Variants in ZZZ3 observed in about 807,000 individuals in gnomAD.
ZZZ3 encodes the protein zinc finger ZZ-type containing 3.
Under a neutral mutation model 95.2 loss-of-function variants are expected in ZZZ3, and 22 were observed. The observed-to-expected ratio is 0.23, with a 90% confidence interval of 0.17 to 0.33. ZZZ3 has a LOEUF of 0.33. Ranked by LOEUF, ZZZ3 falls within the 10% of genes least tolerant of loss-of-function variation. ZZZ3 has a pLI of 1.00. For missense variants in ZZZ3, 885 were observed against 1,066.5 expected (o/e 0.83, Z 2.37); for synonymous variants, 335 against 358.9 (o/e 0.93, Z 0.75).
chr1:77,602,623 T>TTC (rs1664842993), intron 5 of ZZZ3, among the ~76,000 whole-genome samples: 1 of 150,346 alleles, frequency 6.7e-6, no homozygotes, highest in Non-Finnish European at 1.5e-5. Context: ...TTTTTTTTTT[T>TTC]GAGACTGAGT....
intron 1 of ZZZ3, among the ~76,000 whole-genome samples, chr1:77,659,879 C>A (rs1670633296): frequency 6.6e-6 from 1 of 151,994 alleles, no homozygotes; most frequent in Non-Finnish European, 1.5e-5. Flanking sequence ...GTCACCCAGG[C>A]TAGAGGGCAG....
At chr1:77,674,337 G>A (rs1672061251) in intron 1 of ZZZ3, among the ~76,000 whole-genome samples, 4 of 152,050 alleles carry the variant, frequency 2.6e-5, no homozygotes. Context: ...ATAACATTGA[G>A]CAAAAAAGGC....
intron 1 of ZZZ3, among the ~76,000 whole-genome samples, chr1:77,642,943 G>C (rs1379594656): frequency 6.6e-6 from 1 of 152,004 alleles, no homozygotes; most frequent in East Asian, 1.9e-4. Context: ...AACTATATAA[G>C]TAACACCATA....
intron 1 of ZZZ3, among the ~76,000 whole-genome samples, chr1:77,670,560 C>G (rs565002679): frequency 6.6e-5 from 10 of 152,114 alleles, no homozygotes; most frequent in Admixed American, 6.5e-4. Context: ...CTGCACCTGG[C>G]CTAGCATGCA....
intron 12 of ZZZ3, among the ~76,000 whole-genome samples, chr1:77,575,579 A>G (rs1002608275): frequency 1.3e-5 from 2 of 152,376 alleles, no homozygotes; most frequent in Non-Finnish European, 1.5e-5. Flanking sequence ...GCAAAATTCT[A>G]TAAGACAAAT....
intron 1 of ZZZ3, among the ~76,000 whole-genome samples, chr1:77,650,677 AAAG>A (rs994128500): frequency 2.6e-5 from 4 of 152,102 alleles, no homozygotes; most frequent in East Asian, 3.9e-4. Flanking sequence ...AAAAAAAAAA[AAAG>A]GATACTATAA....
Position 77,602,812 on chromosome 1 carries a change from G to A in ZZZ3, c.1506-18157C>T, listed in dbSNP as rs147503095. On this transcript the variant is annotated intron_variant, in intron 5 of 14. Coordinates refer to ENST00000370801, the MANE Select transcript of ZZZ3 (RefSeq NM_015534.6). ...GTAGAGACGGGGTTTCACCATGTTG[G>A]CCAGGCTGGTATTGAACTCCTGACC... 3.4e-3 allele frequency among the ~76,000 whole-genome samples: 519 copies of A among 151,824 alleles called. 3 individuals carry two copies. The highest frequency in any genetic ancestry group is 0.012 in the African/African-American group (494 of 41,394).
In ZZZ3 at chr1:77,574,193, T is replaced by C. The variant is rs1454604044; in HGVS notation, c.2331+1875A>G. Among the ~76,000 whole-genome samples, 3 of 147,960 alleles carry C rather than the reference T, an allele frequency of 2.0e-5. No individual in the cohort carries two copies. In the East Asian group the frequency reaches 5.8e-4, roughly 29 times the overall value. ...ATATATAGATTTATATAGATATATC[T>C]ATATATATGGCAAAATAAAGAACTG... On this transcript the variant is annotated intron_variant, in intron 12 of 14. Coordinates refer to ENST00000370801, the MANE Select transcript of ZZZ3 (RefSeq NM_015534.6).
intron 11 of ZZZ3, among the ~76,000 whole-genome samples, chr1:77,576,893 C>G (rs992655438): frequency 3.3e-5 from 5 of 152,178 alleles, no homozygotes; most frequent in African/African-American, 1.2e-4. Flanking sequence ...GACAAGCTTG[C>G]TCTATGCCAA....
intron 5 of ZZZ3, among the ~76,000 whole-genome samples, chr1:77,598,075 A>C (rs543405903): frequency 2.0e-4 from 31 of 152,250 alleles, no homozygotes; most frequent in African/African-American, 7.5e-4. Context: ...TTGAGCAACA[A>C]CAGGGGTTAG....
At chr1:77,673,172 A>G (rs544840257) in intron 1 of ZZZ3, among the ~76,000 whole-genome samples, 17 of 152,360 alleles carry the variant, frequency 1.1e-4, no homozygotes, top group African/African-American at 4.1e-4. Context: ...CAGGCATATC[A>G]TAACCATAGG....
At chr1:77,668,349 T>A (rs770507033) in intron 1 of ZZZ3, among the ~76,000 whole-genome samples, 3 of 152,168 alleles carry the variant, frequency 2.0e-5, no homozygotes, top group Non-Finnish European at 4.4e-5. Flanking sequence ...ATTCCCATCA[T>A]TTCAATTTCT....
rs550728770 is a variant in ZZZ3 at position 77,635,369 on chromosome 1, C to G, written c.-51-1964G>C. On this transcript the variant is annotated intron_variant, in intron 4 of 14. Transcript: ENST00000370801. Reference sequence around the variant, plus strand: ...TTATATGTTCTACAGAATTTCATAGCAACCAAGTGAACAATAAGTACAAGA... The same window carrying G: ...TTATATGTTCTACAGAATTTCATAGGAACCAAGTGAACAATAAGTACAAGA... Among the ~76,000 whole-genome samples the G allele has an allele frequency of 2.9e-4, 44 of 152,258 alleles. No individual in the cohort carries two copies. In the South Asian group the frequency reaches 7.7e-3, roughly 27 times the overall value.
intron 12 of ZZZ3, among the ~76,000 whole-genome samples, chr1:77,570,678 ATTT>A (rs1570391631): frequency 1.4e-5 from 2 of 147,118 alleles, no homozygotes; most frequent in South Asian, 2.2e-4. Flanking sequence ...TATTATTATT[ATTT>A]TTTTGAGAGA....
At chr1:77,593,992 C>A (rs1364047267) in intron 5 of ZZZ3, among the ~76,000 whole-genome samples, 1 of 152,060 alleles carries the variant, frequency 6.6e-6, no homozygotes, top group Non-Finnish European at 1.5e-5. Context: ...ATACTTGTAC[C>A]ACTCAGGTCA....
At chr1:77,651,408 T>C (rs1030295299) in intron 1 of ZZZ3, among the ~76,000 whole-genome samples, 1 of 152,104 alleles carries the variant, frequency 6.6e-6, no homozygotes, top group African/African-American at 2.4e-5. Flanking sequence ...TAACAAATCT[T>C]TGTGCAAATA....
chr1:77,618,533 G>A (rs190241122), intron 5 of ZZZ3, among the ~76,000 whole-genome samples: 13 of 152,226 alleles, frequency 8.5e-5, no homozygotes, highest in Non-Finnish European at 1.2e-4. Flanking sequence ...ACAAGCAGTG[G>A]TGAGAGAGTA....
At chr1:77,634,288 T>C (rs1668102760) in intron 4 of ZZZ3, among the ~76,000 whole-genome samples, 1 of 152,208 alleles carries the variant, frequency 6.6e-6, no homozygotes, top group Non-Finnish European at 1.5e-5. Flanking sequence ...GTTCCCGGTA[T>C]ACAGAAAGGC....
chr1:77,578,248 T>C (rs1404265015), intron 11 of ZZZ3, among the ~76,000 whole-genome samples: 1 of 152,166 alleles, frequency 6.6e-6, no homozygotes, highest in Non-Finnish European at 1.5e-5. Flanking sequence ...CAATATTTTA[T>C]TTTTTTAAAG....
Sources: gnomAD v4.1 joint callset for allele counts (sites outside exome capture counted in the v4.1 genomes callset) on GRCh38, gnomAD v4.1.1 for gene constraint, MANE v1.5 for transcripts, NCBI Gene and HGNC (gene_info 2026-07-23, HGNC 2026-07-21) for gene names.